The following EYA4 variants were observed in gnomAD, a reference collection of about 807,000 sequenced individuals.
The protein encoded by EYA4 is EYA transcriptional coactivator and phosphatase 4.
Under a neutral mutation model 87.9 loss-of-function variants are expected in EYA4, and 31 were observed. That is an observed-to-expected ratio of 0.35 (90% CI 0.27 to 0.48). The LOEUF is 0.48. EYA4 is among the 20% of genes least tolerant of loss of function. The pLI, the probability that EYA4 is intolerant of heterozygous loss-of-function variation, is 0.99. For missense variants in EYA4, 678 were observed against 761.4 expected (o/e 0.89, Z 1.29); for synonymous variants, 263 against 270.6 (o/e 0.97, Z 0.28).
At chr6:133,336,772 G>A (rs956502714) in intron 2 of EYA4, among the ~76,000 whole-genome samples, 25 of 152,106 alleles carry the variant, frequency 1.6e-4, no homozygotes, top group African/African-American at 6.0e-4. Flanking sequence ...ATACATATAA[G>A]GTACAGATAA....
At chr6:133,404,472 G>C (rs919147705) in intron 3 of EYA4, among the ~76,000 whole-genome samples, 2 of 151,678 alleles carry the variant, frequency 1.3e-5, no homozygotes, top group African/African-American at 4.8e-5. Flanking sequence ...AATAATTTTT[G>C]TAAAACTTTC....
At chr6:133,510,234 T>C (rs540333149) in intron 14 of EYA4, among the ~76,000 whole-genome samples, 165 of 152,294 alleles carry the variant, frequency 1.1e-3, no homozygotes, top group African/African-American at 3.7e-3. Flanking sequence ...AACTTCTGAT[T>C]ACCAGGGAAA....
At chr6:133,523,276 A>G in intron 18 of EYA4, 99 bp downstream of exon 18, 2 of 1,283,542 alleles carry the variant, frequency 1.6e-6, no homozygotes, top group Non-Finnish European at 2.2e-6. Context: ...CATGAAACAA[A>G]TTTGGATAAA....
chr6:133,528,600 T>C, intron 19 of EYA4, 125 bp from the exon 20 acceptor site: 1 of 805,500 alleles, frequency 1.2e-6, no homozygotes, highest in Non-Finnish European at 2.3e-6. Flanking sequence ...CTCTCTCCCC[T>C]GAACTTGGGT....
intron 2 of EYA4, among the ~76,000 whole-genome samples, chr6:133,286,915 G>T (rs1380341960): frequency 1.3e-5 from 2 of 152,250 alleles, no homozygotes; most frequent in East Asian, 3.9e-4. Context: ...GGGGAGGGGT[G>T]CTGTCCTGTA....
At chr6:133,481,151 T>C (rs1338439288) in intron 11 of EYA4, among the ~76,000 whole-genome samples, 1 of 152,056 alleles carries the variant, frequency 6.6e-6, no homozygotes, top group East Asian at 1.9e-4. Flanking sequence ...TTCTCTGAAC[T>C]GTGACAAAAA....
chr6:133,344,492 A>G (rs1323593425), intron 2 of EYA4, among the ~76,000 whole-genome samples: 1 of 152,218 alleles, frequency 6.6e-6, no homozygotes, highest in South Asian at 2.1e-4. Flanking sequence ...CTGGTTGGTC[A>G]AAACTTCAGG....
intron 10 of EYA4, among the ~76,000 whole-genome samples, chr6:133,466,134 A>G (rs1206687245): frequency 1.3e-5 from 2 of 152,164 alleles, no homozygotes; most frequent in African/African-American, 2.4e-5. Context: ...AGAAACAAAT[A>G]TGAAAATAAG....
intron 3 of EYA4, among the ~76,000 whole-genome samples, chr6:133,428,138 T>C (rs949471140): frequency 6.6e-6 from 1 of 152,170 alleles, no homozygotes; most frequent in Non-Finnish European, 1.5e-5. Flanking sequence ...TGTGGACATA[T>C]GAAGTTAGAA....
At chr6:133,293,927 C>T (rs540928804) in intron 2 of EYA4, among the ~76,000 whole-genome samples, 3 of 148,218 alleles carry the variant, frequency 2.0e-5, no homozygotes, top group South Asian at 2.1e-4. Flanking sequence ...ACTCCATCCT[C>T]GGAGACAGGA....
At chr6:133,323,073 C>CGTGTGTGTGT (rs141727232) in intron 2 of EYA4, among the ~76,000 whole-genome samples, 353 of 149,268 alleles carry the variant, frequency 2.4e-3, no homozygotes, top group Non-Finnish European at 3.6e-3. Context: ...GTATAAAATC[C>CGTGTGTGTGT]GTGTGTGTGT....
At chr6:133,444,131 T>G in intron 3 of EYA4, among the ~76,000 whole-genome samples, 1 of 152,240 alleles carries the variant, frequency 6.6e-6, no homozygotes, top group East Asian at 1.9e-4. Context: ...GAAAACTGTG[T>G]CATAAAAGCT....
chr6:133,382,380 C>T lies in EYA4; in HGVS notation c.34-12C>T. On this transcript the variant is annotated splice_polypyrimidine_tract_variant and intron_variant, in intron 2 of 19. Transcript: ENST00000355286. ...TTTTCATATGAGAATAACTAGTACTCTTTTCTTACAGGTAAAGAAAACGTG... is the reference window on the plus strand; with the variant it reads ...TTTTCATATGAGAATAACTAGTACTTTTTTCTTACAGGTAAAGAAAACGTG... 3 of 1,585,672 alleles carry T rather than the reference C, an allele frequency of 1.9e-6. No homozygotes were observed. The highest frequency in any genetic ancestry group is 1.7e-6 in the Non-Finnish European group (2 of 1,154,120).
chr6:133,450,749 G>A (rs940220823), intron 5 of EYA4, among the ~76,000 whole-genome samples: 2 of 152,204 alleles, frequency 1.3e-5, no homozygotes, highest in African/African-American at 4.8e-5. Flanking sequence ...CACCTCAGGT[G>A]ATCTGACTAC....
chr6:133,265,034 A>G (rs1776104385), intron 1 of EYA4, among the ~76,000 whole-genome samples: 1 of 152,112 alleles, frequency 6.6e-6, no homozygotes, highest in Admixed American at 6.6e-5. Flanking sequence ...GGACGGCGCC[A>G]TGGTGCCTCA....
intron 1 of EYA4, among the ~76,000 whole-genome samples, chr6:133,254,102 T>C (rs12190309): frequency 0.22 from 33,823 of 152,036 alleles, 4,067 homozygotes; most frequent in African/African-American, 0.31. Context: ...ACCAAAGTAT[T>C]ACTGATTTTC....
intron 3 of EYA4, among the ~76,000 whole-genome samples, chr6:133,436,531 A>C (rs776492122): frequency 1.3e-5 from 2 of 152,228 alleles, no homozygotes; most frequent in African/African-American, 2.4e-5. Flanking sequence ...TTAGAAAACA[A>C]TCCTACCCTG....
At chr6:133,506,864 A>G (rs1798677848) in intron 14 of EYA4, among the ~76,000 whole-genome samples, 1 of 152,248 alleles carries the variant, frequency 6.6e-6, no homozygotes, top group Admixed American at 6.5e-5. Flanking sequence ...AAAGTATGCC[A>G]TCTGTGTGCT....
At chr6:133,415,477 G>C (rs554500211) in intron 3 of EYA4, among the ~76,000 whole-genome samples, 101 of 152,118 alleles carry the variant, frequency 6.6e-4, no homozygotes, top group Non-Finnish European at 2.6e-4. Context: ...TGCCAGACGT[G>C]CCTCCTCTCA....
Sources: gnomAD v4.1 joint callset for allele counts (sites outside exome capture counted in the v4.1 genomes callset) on GRCh38, gnomAD v4.1.1 for gene constraint, MANE v1.5 for transcripts, NCBI Gene and HGNC (gene_info 2026-07-23, HGNC 2026-07-21) for gene names.